ANK2: variants seen among roughly 807,000 people sequenced by gnomAD.
ANK2 encodes the protein ankyrin-2.
ANK2 carries 83 observed loss-of-function variants against 360.5 expected under a neutral mutation model. The observed-to-expected ratio is 0.23, with a 90% CI of 0.19 to 0.28. The LOEUF is 0.28. Among genes scored for constraint, ANK2 ranks in the 10% least tolerant of loss-of-function variants. The probability of loss-of-function intolerance (pLI) is 1.00; values close to 1 mark genes in which losing one functional copy is unlikely to be tolerated. For missense variants in ANK2, 4,201 were observed against 4,795.7 expected (o/e 0.88, Z 3.66); for synonymous variants, 1,740 against 1,759.5 (o/e 0.99, Z 0.28).
At chr4:112,916,404 C>T (rs2089852717) in intron 2 of ANK2, among the ~76,000 whole-genome samples, 1 of 152,268 alleles carries the variant, frequency 6.6e-6, no homozygotes, top group Middle Eastern at 3.4e-3. Context: ...ATCAAAATCA[C>T]CTTTAATGTG....
At chr4:113,094,166 G>A (rs562689215) in intron 1 of ANK2, among the ~76,000 whole-genome samples, 1 of 152,196 alleles carries the variant, frequency 6.6e-6, no homozygotes, top group East Asian at 1.9e-4. Context: ...TGATGTGAAT[G>A]CAAATTAAAT....
chr4:113,240,037 A>G (rs2038897455), intron 7 of ANK2, among the ~76,000 whole-genome samples: 1 of 152,204 alleles, frequency 6.6e-6, no homozygotes, highest in African/African-American at 2.4e-5. Flanking sequence ...TATAATGTCA[A>G]CAAATACTGC....
intron 1 of ANK2, among the ~76,000 whole-genome samples, chr4:112,871,167 TG>T (rs2072865324): frequency 6.6e-6 from 1 of 152,084 alleles, no homozygotes; most frequent in Non-Finnish European, 1.5e-5. Flanking sequence ...ACTGCAAACT[TG>T]CTCAATTTAT....
Position 112,947,244 on chromosome 4 carries a change from C to T in ANK2, c.21+42730C>T, listed in dbSNP as rs140189089. 2.0e-3 allele frequency among the ~76,000 whole-genome samples: 299 copies of T among 152,184 alleles called. 1 individual carries two copies. Among genetic ancestry groups the T allele is most frequent in the African/African-American group, 6.4e-3 (266 of 41,518 alleles). On this transcript the variant is annotated intron_variant, in intron 2 of 30. Coordinates refer to the ANK2 transcript ENST00000503271. ...TACTTTATGATTAGGCTTTTTATGTCGCTCATTAAGAGATGACTTATGACC... is the reference window on the plus strand; with the variant it reads ...TACTTTATGATTAGGCTTTTTATGTTGCTCATTAAGAGATGACTTATGACC...
At chr4:112,992,900 A>G (rs1001618057) in intron 2 of ANK2, among the ~76,000 whole-genome samples, 1 of 152,230 alleles carries the variant, frequency 6.6e-6, no homozygotes, top group Non-Finnish European at 1.5e-5. Flanking sequence ...TGTTGTATCT[A>G]TAATTGCCAA....
intron 6 of ANK2, 42 bp downstream of exon 6, chr4:113,237,214 C>A (rs1290814180): frequency 6.3e-7 from 1 of 1,578,442 alleles, no homozygotes; most frequent in East Asian, 2.2e-5. Flanking sequence ...AACTCTTTGG[C>A]TGCCAGACTC....
At chr4:112,745,337 G>C in the ANK2 span, among the ~76,000 whole-genome samples, 1 of 151,862 alleles carries the variant, frequency 6.6e-6, no homozygotes, top group Admixed American at 6.6e-5. Context: ...TATATTTATG[G>C]AGTATATGAG....
chr4:113,019,329 C>T (rs566400416), intron 2 of ANK2, among the ~76,000 whole-genome samples: 2 of 152,130 alleles, frequency 1.3e-5, no homozygotes, highest in Non-Finnish European at 2.9e-5. Context: ...TTTTTTTGTA[C>T]TTAAAGTTTG....
intron 20 of ANK2, among the ~76,000 whole-genome samples, chr4:113,290,076 T>G (rs2066757123): frequency 6.6e-6 from 1 of 152,154 alleles, no homozygotes; most frequent in Non-Finnish European, 1.5e-5. Flanking sequence ...CACTATATTG[T>G]CTAGAGAATA....
chr4:113,344,598 T>C (rs1310069592), intron 34 of ANK2, among the ~76,000 whole-genome samples: 1 of 152,142 alleles, frequency 6.6e-6, no homozygotes, highest in African/African-American at 2.4e-5. Context: ...CCAATGTTCT[T>C]AGCAGCATTA....
chr4:113,159,572 CAGAGA>C (rs985947522), intron 1 of ANK2, among the ~76,000 whole-genome samples: 1 of 151,800 alleles, frequency 6.6e-6, no homozygotes, highest in African/African-American at 2.4e-5. Context: ...TTTTTCCTCA[CAGAGA>C]AGAGTAAAAT....
chr4:113,120,928 C>T (rs528672438), intron 1 of ANK2, among the ~76,000 whole-genome samples: 1 of 152,254 alleles, frequency 6.6e-6, no homozygotes, highest in Non-Finnish European at 1.5e-5. Flanking sequence ...AATATGTTCA[C>T]CATTTCTCAG....
intron 1 of ANK2, among the ~76,000 whole-genome samples, chr4:113,113,386 G>A (rs1004992475): frequency 7.2e-5 from 11 of 152,160 alleles, no homozygotes; most frequent in African/African-American, 1.9e-4. Context: ...GTTATTAAAC[G>A]CTGCCTGACT....
At chr4:113,118,268 G>A (rs1432139672) in intron 1 of ANK2, among the ~76,000 whole-genome samples, 4 of 152,176 alleles carry the variant, frequency 2.6e-5, no homozygotes, top group African/African-American at 9.7e-5. Context: ...AATAATTTCA[G>A]AAGATGATAA....
At position 113,062,061 on chromosome 4, in the gene ANK2, T is replaced by G. The variant is rs187228792; in HGVS notation, c.84+12249T>G. 2.5e-3 allele frequency among the ~76,000 whole-genome samples: 373 copies of G among 152,202 alleles called. 1 individual carries two copies. The highest frequency in any genetic ancestry group is 4.3e-3 in the Non-Finnish European group (295 of 67,970). On this transcript the variant is annotated intron_variant, in intron 1 of 45. Coordinates refer to ENST00000357077, the MANE Select transcript of ANK2 (RefSeq NM_001148.6). ...AAAAATTGCTGTTGCCATAGAAAGT[T>G]TTTTATTATACACTGTCTTCATTCT...
intron 2 of ANK2, among the ~76,000 whole-genome samples, chr4:112,991,450 C>A (rs1019393782): frequency 6.6e-6 from 1 of 152,076 alleles, no homozygotes; most frequent in Non-Finnish European, 1.5e-5. Context: ...TTAATTCAAA[C>A]TGGCAGTGTC....
In ANK2 at chr4:113,072,742, A is replaced by ATTTTT. The variant is rs34098456; in HGVS notation, c.84+22949_84+22953dup. ...TCCCTTAAAATAGACACTTGGCATA[A>ATTTTT]TTTTTTTTTTTTTTTTTTTTTTTGC... On this transcript the variant is annotated intron_variant, in intron 1 of 45. Transcript: ENST00000357077. Among the ~76,000 whole-genome samples the ATTTTT allele has an allele frequency of 3.0e-3, 220 of 74,160 alleles. 1 individual carries two copies. The highest frequency in any genetic ancestry group is 5.3e-3 in the African/African-American group (119 of 22,422). The allele number at this position is 74,160 out of a possible 152,430, so 48.7% of individuals were successfully genotyped here.
the ANK2 span, among the ~76,000 whole-genome samples, chr4:112,760,397 G>C: frequency 2.0e-5 from 3 of 151,834 alleles, no homozygotes; most frequent in East Asian, 1.9e-4. Flanking sequence ...CCGTGTTAGC[G>C]AGGATGGTCT....
At chr4:113,201,815 C>T (rs6533674) in intron 4 of ANK2, among the ~76,000 whole-genome samples, 51,888 of 151,956 alleles carry the variant, frequency 0.34, 9,502 homozygotes, top group Non-Finnish European at 0.42. Context: ...ATCATTAACT[C>T]GCTTTCAGAG....
Sources: gnomAD v4.1 joint callset for allele counts (sites outside exome capture counted in the v4.1 genomes callset) on GRCh38, gnomAD v4.1.1 for gene constraint, MANE v1.5 for transcripts, NCBI Gene and HGNC (gene_info 2026-07-23, HGNC 2026-07-21) for gene names.